The following LZTFL1 variants were observed in gnomAD, a reference collection of about 807,000 sequenced individuals.
LZTFL1 encodes the protein leucine zipper transcription factor-like protein 1.
LZTFL1 carries 25 observed loss-of-function variants against 45.9 expected under a neutral mutation model. The observed-to-expected ratio is 0.54, with a 90% CI of 0.40 to 0.76. LZTFL1 has a LOEUF of 0.76. Ranked by LOEUF, LZTFL1 falls within the 30% of genes least tolerant of loss-of-function variation. The pLI is 0.00. For missense variants in LZTFL1, 277 were observed against 331.1 expected, an observed-to-expected ratio of 0.84 and a Z score of 1.27; for synonymous variants, 93 against 117.4, an observed-to-expected ratio of 0.79 and a Z score of 1.35.
intron 3 of LZTFL1, among the ~76,000 whole-genome samples, chr3:45,856,195 C>A (rs186518985): frequency 6.6e-5 from 10 of 152,226 alleles, no homozygotes; most frequent in Non-Finnish European, 2.9e-5. Flanking sequence ...GACACATCAA[C>A]CAATGGAACA....
At chr3:45,830,762 G>C (rs62245074) in intron 7 of LZTFL1, 151 bp downstream of exon 7, 52,449 of 676,428 alleles carry the variant, frequency 0.078, 3,186 homozygotes, top group East Asian at 0.3. Flanking sequence ...GCCTTTTGGG[G>C]GCAAGAATGT....
chr3:45,915,379 CCT>C (rs1479313752), intron 1 of LZTFL1: 4 of 382,000 alleles, frequency 1.0e-5, no homozygotes, highest in Admixed American at 9.4e-5. Context: ...CACCAGCTTT[CCT>C]CTCTCAAGCC....
rs148560000 is a variant in LZTFL1, at chr3:45,828,591, T to C, written c.625A>G (p.Ser209Gly). 6.2e-7 allele frequency: 1 copy of C among 1,613,916 alleles called. No homozygotes were observed. The change falls in exon 8 of 10, where the codon AGT becomes GGT. Residue 209 changes from serine to glycine, a missense_variant. Transcript: ENST00000296135. ...GCAGCGACAGTGTTTTCTAAGTTACTTAAGTCTTGGGCCTTTATAAAATCC... is the reference window on the plus strand; with the variant it reads ...GCAGCGACAGTGTTTTCTAAGTTACCTAAGTCTTGGGCCTTTATAAAATCC... ...QKDFIKAQDL[S>G]NLENTVAALK...
chr3:45,910,049 T>C (rs1214851821), intron 2 of LZTFL1, among the ~76,000 whole-genome samples: 1 of 152,206 alleles, frequency 6.6e-6, no homozygotes, highest in Non-Finnish European at 1.5e-5. Context: ...GTAGGGGCAC[T>C]GTTCAGGCGC....
At chr3:45,891,992 C>T (rs1050027275) in intron 2 of LZTFL1, among the ~76,000 whole-genome samples, 4 of 152,046 alleles carry the variant, frequency 2.6e-5, no homozygotes, top group African/African-American at 9.7e-5. Context: ...GGTTTGAAGA[C>T]CAACTTAGCT....
chr3:45,855,457 T>C (rs968173979), intron 3 of LZTFL1, among the ~76,000 whole-genome samples: 2 of 152,214 alleles, frequency 1.3e-5, no homozygotes, highest in East Asian at 3.8e-4. Context: ...GCCAGTATCA[T>C]ACTGAATGGG....
intron 2 of LZTFL1, among the ~76,000 whole-genome samples, chr3:45,899,914 G>C (rs1172657466): frequency 1.3e-5 from 2 of 152,160 alleles, no homozygotes; most frequent in Non-Finnish European, 2.9e-5. Flanking sequence ...AAAAGTGTAA[G>C]AAGTGTGTGT....
chr3:45,866,272 A>G (rs922288628), intron 2 of LZTFL1, among the ~76,000 whole-genome samples: 6 of 152,218 alleles, frequency 3.9e-5, no homozygotes, highest in African/African-American at 1.4e-4. Flanking sequence ...TACTTTAAAC[A>G]TGTAGTTTAT....
intron 2 of LZTFL1, among the ~76,000 whole-genome samples, chr3:45,885,249 G>T (rs183787354): frequency 6.6e-6 from 1 of 152,266 alleles, no homozygotes; most frequent in East Asian, 1.9e-4. Context: ...ATCCACAAGA[G>T]TGTAGTCATG....
At chr3:45,839,174 C>T (rs539979132) in intron 1 of LZTFL1, among the ~76,000 whole-genome samples, 3 of 152,270 alleles carry the variant, frequency 2.0e-5, no homozygotes, top group South Asian at 4.1e-4. Flanking sequence ...CTGCAAGTTC[C>T]GCCTCCTGGG....
chr3:45,866,760 G>A (rs1466829138), intron 2 of LZTFL1, among the ~76,000 whole-genome samples: 1 of 152,200 alleles, frequency 6.6e-6, no homozygotes, highest in African/African-American at 2.4e-5. Flanking sequence ...GTATACCACA[G>A]AAGACTTGTA....
intron 4 of LZTFL1, among the ~76,000 whole-genome samples, chr3:45,833,899 A>G (rs1324059722): frequency 6.6e-6 from 1 of 152,220 alleles, no homozygotes; most frequent in African/African-American, 2.4e-5. Flanking sequence ...AAGGTAACAC[A>G]GCCAGGAAGT....
chr3:45,860,851 C>T (rs989852141), intron 2 of LZTFL1, among the ~76,000 whole-genome samples: 1 of 152,118 alleles, frequency 6.6e-6, no homozygotes, highest in African/African-American at 2.4e-5. Flanking sequence ...TTCATCTTTT[C>T]CCATCTTAAT....
chr3:45,869,556 C>T (rs1466967634), intron 2 of LZTFL1, among the ~76,000 whole-genome samples: 1 of 152,194 alleles, frequency 6.6e-6, no homozygotes, highest in Admixed American at 6.5e-5. Context: ...CATACTTCCT[C>T]TGGTCCATCT....
At chr3:45,866,012 T>G (rs1701572987) in intron 2 of LZTFL1, among the ~76,000 whole-genome samples, 1 of 152,194 alleles carries the variant, frequency 6.6e-6, no homozygotes, top group Admixed American at 6.5e-5. Flanking sequence ...AAAATGATGC[T>G]GAGTGAAAGA....
chr3:45,846,413 A>G (rs1701218047), upstream of LZTFL1, among the ~76,000 whole-genome samples: 1 of 152,186 alleles, frequency 6.6e-6, no homozygotes, highest in Non-Finnish European at 1.5e-5. Flanking sequence ...TTTGAGCCCA[A>G]GCATTTACAG....
chr3:45,857,644 TTAAAG>T (rs1295600403), intron 3 of LZTFL1, among the ~76,000 whole-genome samples: 1 of 152,346 alleles, frequency 6.6e-6, no homozygotes, highest in African/African-American at 2.4e-5. Context: ...TTTTAAATAT[TTAAAG>T]TAAACATTTT....
chr3:45,872,767 C>T (rs1363614792), intron 2 of LZTFL1, among the ~76,000 whole-genome samples: 1 of 152,180 alleles, frequency 6.6e-6, no homozygotes, highest in Non-Finnish European at 1.5e-5. Context: ...TAGTTGGTGG[C>T]TGTGGTCTCC....
At chr3:45,893,501 CT>C (rs1191342492) in intron 2 of LZTFL1, among the ~76,000 whole-genome samples, 1 of 152,196 alleles carries the variant, frequency 6.6e-6, no homozygotes, top group Non-Finnish European at 1.5e-5. Context: ...AGTGATTCTG[CT>C]TTCCGTCAGT....
Sources: gnomAD v4.1 joint callset for allele counts (sites outside exome capture counted in the v4.1 genomes callset) on GRCh38, gnomAD v4.1.1 for gene constraint, MANE v1.5 for transcripts, NCBI Gene and HGNC (gene_info 2026-07-23, HGNC 2026-07-21) for gene names.